FILIP1: variants seen among roughly 807,000 people sequenced by gnomAD.
FILIP1 encodes the protein filamin-A-interacting protein 1.
A neutral mutation model predicts 102.1 loss-of-function variants in FILIP1; 61 were observed. The ratio of observed to expected loss-of-function variants is 0.60; its 90% confidence interval spans 0.49 to 0.74. FILIP1 has a LOEUF of 0.74. Ranked by LOEUF, FILIP1 falls within the 30% of genes least tolerant of loss-of-function variation. The probability of loss-of-function intolerance (pLI) is 0.00; values close to 1 mark genes in which losing one functional copy is unlikely to be tolerated. For synonymous variants in FILIP1, 491 were observed against 526.9 expected (o/e 0.93, Z 0.93); for missense variants, 1,314 against 1,441.2 (o/e 0.91, Z 1.43).
intron 1 of FILIP1, among the ~76,000 whole-genome samples, chr6:75,469,982 T>C (rs1181000287): frequency 6.6e-6 from 1 of 152,112 alleles, no homozygotes; most frequent in South Asian, 2.1e-4. Context: ...TGATATTTAT[T>C]AGACATATTG....
intron 1 of FILIP1, among the ~76,000 whole-genome samples, chr6:75,454,391 T>G (rs1778747323): frequency 6.6e-6 from 1 of 152,200 alleles, no homozygotes; most frequent in Non-Finnish European, 1.5e-5. Context: ...GATGAAATGC[T>G]CTGCTTTTAA....
chr6:75,349,879 G>C (rs1214446477), intron 4 of FILIP1, among the ~76,000 whole-genome samples: 3 of 152,204 alleles, frequency 2.0e-5, no homozygotes, highest in Non-Finnish European at 4.4e-5. Context: ...CCTCCTGCCA[G>C]CTCTCATAAG....
chr6:75,486,739 C>T (rs560967734), intron 1 of FILIP1, among the ~76,000 whole-genome samples: 35 of 151,982 alleles, frequency 2.3e-4, no homozygotes, highest in Non-Finnish European at 8.8e-5. Context: ...AGGGTTGTTA[C>T]GAGAAGCAAA....
At chr6:75,397,537 G>GACACACAC (rs59797690) in intron 2 of FILIP1, among the ~76,000 whole-genome samples, 1 of 139,046 alleles carries the variant, frequency 7.2e-6, no homozygotes, top group Non-Finnish European at 1.5e-5. Context: ...ACACATATAA[G>GACACACAC]ACACACACAC....
chr6:75,323,898 A>C (rs1055301886), intron 4 of FILIP1, among the ~76,000 whole-genome samples: 6 of 152,176 alleles, frequency 3.9e-5, no homozygotes, highest in Admixed American at 2.6e-4. Context: ...TAAAAGTGGC[A>C]GTTTCCTCTG....
intron 2 of FILIP1, chr6:75,398,045 T>C (rs1053377202): frequency 6.6e-6 from 1 of 152,160 alleles, no homozygotes; most frequent in Non-Finnish European, 1.5e-5. Context: ...AATATATACA[T>C]TGTTGAAGCA....
At chr6:75,299,954 G>A (rs1378257331) in intron 6 of FILIP1, among the ~76,000 whole-genome samples, 2 of 152,120 alleles carry the variant, frequency 1.3e-5, no homozygotes, top group Non-Finnish European at 2.9e-5. Context: ...TGTTTCCTGA[G>A]TGCAGAGTGA....
chr6:75,461,909 G>C (rs1779034165), intron 1 of FILIP1, among the ~76,000 whole-genome samples: 1 of 152,104 alleles, frequency 6.6e-6, no homozygotes, highest in Non-Finnish European at 1.5e-5. Flanking sequence ...TTTCTCAAAG[G>C]TGCCTACACA....
chr6:75,488,249 A>G (rs1292539460), intron 1 of FILIP1, among the ~76,000 whole-genome samples: 1 of 152,140 alleles, frequency 6.6e-6, no homozygotes, highest in African/African-American at 2.4e-5. Flanking sequence ...GAGTTTCTCA[A>G]GTTCTGCAAT....
At chr6:75,434,865 A>G (rs997303417) in intron 1 of FILIP1, among the ~76,000 whole-genome samples, 1 of 152,222 alleles carries the variant, frequency 6.6e-6, no homozygotes, top group Admixed American at 6.5e-5. Context: ...ACGTCCCATC[A>G]ATACCTAGTT....
intron 1 of FILIP1, among the ~76,000 whole-genome samples, chr6:75,446,313 A>T (rs1371850917): frequency 6.6e-6 from 1 of 152,168 alleles, no homozygotes; most frequent in Non-Finnish European, 1.5e-5. Flanking sequence ...ATAAACTCCT[A>T]TATTAATCAA....
At chr6:75,316,468 T>C (rs1178497118) in intron 4 of FILIP1, among the ~76,000 whole-genome samples, 1 of 152,096 alleles carries the variant, frequency 6.6e-6, no homozygotes, top group Non-Finnish European at 1.5e-5. Context: ...TAGTCTCTCA[T>C]TGCATTGTGT....
At chr6:75,479,594 C>T (rs1362287790) in intron 1 of FILIP1, among the ~76,000 whole-genome samples, 4 of 151,886 alleles carry the variant, frequency 2.6e-5, no homozygotes, top group South Asian at 2.1e-4. Flanking sequence ...CTTGGTCAGG[C>T]GTGGTGGCTC....
intron 1 of FILIP1, among the ~76,000 whole-genome samples, chr6:75,442,695 A>G (rs1036656245): frequency 3.4e-5 from 5 of 148,908 alleles, no homozygotes; most frequent in Non-Finnish European, 6.0e-5. Context: ...GTGAGCCGAG[A>G]TGGCAGCAGT....
chr6:75,440,971 C>T (rs113340815), intron 1 of FILIP1, among the ~76,000 whole-genome samples: 4 of 149,802 alleles, frequency 2.7e-5, no homozygotes, highest in Non-Finnish European at 5.9e-5. Context: ...AAGGTATGAC[C>T]GAAGAGTAAA....
Position 75,313,961 on chromosome 6 carries a change from G to T in FILIP1, c.1871C>A (p.Pro624Gln). ...TAGTTCCTTAATCTTATTATCTTCC[G>T]GGCAGGTGAGCTCAGACCCTTTTCG... Reference protein sequence around the residue: ...RSRKGSELTCPEDNKIKELTL... With the variant: ...RSRKGSELTCQEDNKIKELTL... Residue 624 changes from proline to glutamine, a missense_variant, in exon 5 of 6, where the codon CCG becomes CAG. Physicochemically the swap from Pro to Gln is moderately conservative, Grantham distance 76 (BLOSUM62 -1). Transcript: ENST00000237172. This position sits in a 1 kb window ranked among gnomAD's most constrained non-coding sequence, Gnocchi z 4.2. The T allele has an allele frequency of 6.2e-7, 1 of 1,605,850 alleles. No homozygotes were observed. Among genetic ancestry groups the T allele is most frequent in the Non-Finnish European group, 8.5e-7 (1 of 1,176,724 alleles).
At chr6:75,415,260 T>C (rs1777223680) in intron 1 of FILIP1, among the ~76,000 whole-genome samples, 1 of 152,078 alleles carries the variant, frequency 6.6e-6, no homozygotes, top group African/African-American at 2.4e-5. Context: ...ATATCAATAT[T>C]GGTTCATTGA....
chr6:75,303,758 A>G (rs1034249355), downstream of FILIP1, among the ~76,000 whole-genome samples: 11 of 152,032 alleles, frequency 7.2e-5, no homozygotes, highest in African/African-American at 2.7e-4. Flanking sequence ...AGAGGGAGAG[A>G]GAGAGAGAGA....
At chr6:75,322,929 G>A (rs747663436) in intron 4 of FILIP1, among the ~76,000 whole-genome samples, 1 of 152,116 alleles carries the variant, frequency 6.6e-6, no homozygotes, top group Non-Finnish European at 1.5e-5. Flanking sequence ...CCTGACCTCA[G>A]ATGATCCACC....
Sources: gnomAD v4.1 joint callset for allele counts (sites outside exome capture counted in the v4.1 genomes callset) on GRCh38, gnomAD v4.1.1 for gene constraint, Gnocchi (gnomAD v3.1) non-coding constraint, MANE v1.5 for transcripts, NCBI Gene and HGNC (gene_info 2026-07-23, HGNC 2026-07-21) for gene names.